CLCN5: variants seen among roughly 807,000 people sequenced by gnomAD.
CLCN5 encodes the protein Cl-/H+ antiporter 5.
CLCN5 carries 17 observed loss-of-function variants against 54.0 expected under a neutral mutation model. That is an observed-to-expected ratio of 0.31 (90% CI 0.22 to 0.47). The LOEUF (loss-of-function observed/expected upper bound fraction) is 0.47, where lower values mean the gene tolerates loss of function less well. Among genes scored for constraint, CLCN5 ranks in the 20% least tolerant of loss-of-function variants. CLCN5 has a pLI of 1.00. For missense variants in CLCN5, 448 were observed against 646.7 expected, an observed-to-expected ratio of 0.69 and a Z score of 3.33; for synonymous variants, 222 against 233.0, an observed-to-expected ratio of 0.95 and a Z score of 0.43.
intron 3 of CLCN5, among the ~76,000 whole-genome samples, chrX:49,926,146 G>T (rs1458579637): frequency 1.8e-5 from 2 of 112,303 alleles, no homozygotes; most frequent in Non-Finnish European, 3.8e-5. Context: ...TTAGTTGGTG[G>T]TCTAATGTAT....
At chrX:49,932,327 AGTT>A (rs1925699724) in intron 3 of CLCN5, among the ~76,000 whole-genome samples, 1 of 112,562 alleles carries the variant, frequency 8.9e-6, no homozygotes, top group Non-Finnish European at 1.9e-5. Flanking sequence ...AATGATCCAA[AGTT>A]GTTGCACTGG....
intron 3 of CLCN5, among the ~76,000 whole-genome samples, chrX:49,955,078 G>A (rs1557173749): frequency 9.0e-6 from 1 of 110,949 alleles, no homozygotes; most frequent in East Asian, 2.8e-4. Flanking sequence ...CATGTGTTGT[G>A]CAGGACAGGT....
At chrX:50,007,847 T>A (rs1930278983) in intron 3 of CLCN5, among the ~76,000 whole-genome samples, 1 of 112,283 alleles carries the variant, frequency 8.9e-6, no homozygotes. Flanking sequence ...TCTTCAAAAG[T>A]GTTTAACTTG....
At chrX:49,998,338 G>A (rs139743249) in intron 3 of CLCN5, among the ~76,000 whole-genome samples, 1,626 of 111,486 alleles carry the variant, frequency 0.015, 23 homozygotes, top group African/African-American at 0.051. Flanking sequence ...GCTCATACAT[G>A]CACAGGAATA....
At chrX:49,928,242 G>T (rs781948351) in intron 3 of CLCN5, among the ~76,000 whole-genome samples, 1 of 111,922 alleles carries the variant, frequency 8.9e-6, no homozygotes, top group African/African-American at 3.2e-5. Context: ...CATTGTATAC[G>T]TGTATCAAAA....
chrX:49,936,918 T>C (rs1358938302), intron 3 of CLCN5, among the ~76,000 whole-genome samples: 2 of 111,587 alleles, frequency 1.8e-5, no homozygotes, highest in African/African-American at 6.5e-5. Context: ...TATGGAATGC[T>C]GTTCATTTCA....
At chrX:50,056,683 G>A (rs1355551146) in intron 4 of CLCN5, among the ~76,000 whole-genome samples, 1 of 111,505 alleles carries the variant, frequency 9.0e-6, no homozygotes, top group Admixed American at 9.6e-5. Flanking sequence ...CAGATGCTGG[G>A]AATAAGAGGA....
intron 3 of CLCN5, among the ~76,000 whole-genome samples, chrX:49,982,003 A>C (rs1461224987): frequency 3.6e-5 from 4 of 110,835 alleles, no homozygotes; most frequent in Non-Finnish European, 7.6e-5. Context: ...TTTTACTGCC[A>C]TTATCAACCC....
intron 3 of CLCN5, among the ~76,000 whole-genome samples, chrX:50,008,688 A>G (rs782342922): frequency 8.9e-6 from 1 of 112,318 alleles, no homozygotes; most frequent in South Asian, 3.8e-4. Flanking sequence ...GAAGAATGGA[A>G]TTCCTCATCA....
At chrX:50,069,750 T>A (rs1398428299) in intron 4 of CLCN5, 129 bp from the exon 5 acceptor site, 1 of 1,070,631 alleles carries the variant, frequency 9.3e-7, no homozygotes, top group Non-Finnish European at 1.2e-6. Context: ...ACCAGGTGAC[T>A]GTATTTCTTT....
At chrX:49,982,115 A>G (rs1023397657) in intron 3 of CLCN5, among the ~76,000 whole-genome samples, 8 of 110,207 alleles carry the variant, frequency 7.3e-5, no homozygotes, top group African/African-American at 2.6e-4. Context: ...ATTTAGGGGA[A>G]AAAAAAAACA....
intron 3 of CLCN5, among the ~76,000 whole-genome samples, chrX:49,977,858 T>G (rs1928554676): frequency 9.0e-6 from 1 of 111,548 alleles, no homozygotes; most frequent in South Asian, 3.8e-4. Context: ...GCAAGCCGAT[T>G]CAGCTGTGAT....
chrX:50,085,851 TTGA>T, intron 9 of CLCN5, 126 bp from the exon 10 acceptor site: 3 of 595,515 alleles, frequency 5.0e-6, no homozygotes, highest in Non-Finnish European at 8.5e-6. Context: ...AATTTTGTTT[TTGA>T]TGATATGGAA....
At chrX:50,077,812 C>CAAAAA (rs35768604) in intron 7 of CLCN5, among the ~76,000 whole-genome samples, 2 of 22,339 alleles carry the variant, frequency 9.0e-5, no homozygotes, top group Non-Finnish European at 1.4e-4. Context: ...CCTGTCTCTA[C>CAAAAA]AAAAAAAAAA....
Position 49,924,997 on chromosome X carries a change from C to T in CLCN5, c.-128-174C>T, listed in dbSNP as rs139720387. On this transcript the variant is annotated intron_variant, in intron 2 of 14. Coordinates refer to ENST00000376091, the MANE Select transcript of CLCN5 (RefSeq NM_001127898.4). Reference sequence around the variant, plus strand: ...GTATAGCACTGAGTGGCAACATTAACTCACTCCAGATCTCTCTCTCTTCAG... The same window carrying T: ...GTATAGCACTGAGTGGCAACATTAATTCACTCCAGATCTCTCTCTCTTCAG... Among the ~76,000 whole-genome samples, 17 of 112,797 alleles carry T rather than the reference C, an allele frequency of 1.5e-4. No individual in the cohort carries two copies. The East Asian group carries it at 3.1e-3, about 20-fold the overall frequency.
At chrX:49,937,886 T>G (rs1164143587) in intron 3 of CLCN5, among the ~76,000 whole-genome samples, 1 of 111,672 alleles carries the variant, frequency 9.0e-6, no homozygotes, top group African/African-American at 3.2e-5. Flanking sequence ...AGAGAAGATA[T>G]AAATTACCTA....
In CLCN5 at chrX:50,089,923, C is replaced by T. The variant is rs986333301; in HGVS notation, c.1745-193C>T. Among the ~76,000 whole-genome samples the T allele has an allele frequency of 3.6e-5, 4 of 111,500 alleles. No individual in the cohort carries two copies. In the East Asian group the frequency reaches 8.5e-4, roughly 24 times the overall value. On this transcript the variant is annotated intron_variant, in intron 12 of 14. Coordinates refer to ENST00000376091, the MANE Select transcript of CLCN5 (RefSeq NM_001127898.4). ...AGAGAGAAAAAAGAAAAACAGAAGGCTTCTTGTAGATGTTATTTTGAGAAC... is the reference window on the plus strand; with the variant it reads ...AGAGAGAAAAAAGAAAAACAGAAGGTTTCTTGTAGATGTTATTTTGAGAAC...
In CLCN5 at chrX:50,095,823, A is replaced by C. The variant is rs145926268; in HGVS notation, c.*3604A>C. 8.9e-6 allele frequency: 1 copy of C among 112,516 alleles called. No individual in the cohort carries two copies. The highest frequency in any genetic ancestry group is 9.4e-5 in the Admixed American group (1 of 10,676). The allele number at this position is 112,516 out of a possible 1,213,427, so 9.3% of individuals were successfully genotyped here. ...TCCATTATAGAAATTAACCACTGCT[A>C]TATGTTTTAAGTAGTTCAATCACCT... On this transcript the variant is annotated 3_prime_UTR_variant, in exon 15 of 15. Transcript: ENST00000376091.
At chrX:50,027,933 AT>A (rs1931501684) in intron 3 of CLCN5, among the ~76,000 whole-genome samples, 1 of 111,467 alleles carries the variant, frequency 9.0e-6, no homozygotes, top group African/African-American at 3.3e-5. Context: ...ACTGTTGTGT[AT>A]TTGGGTTTCC....
Sources: allele counts gnomAD v4.1 joint callset (sites outside exome capture counted in the v4.1 genomes callset), GRCh38; gene constraint gnomAD v4.1.1; transcripts MANE v1.5; gene names NCBI Gene and HGNC (gene_info 2026-07-23, HGNC 2026-07-21).